PRTG: variants seen among roughly 807,000 people sequenced by gnomAD.
PRTG encodes immunoglobulin superfamily, DCC subclass, member 5.
PRTG carries 67 observed loss-of-function variants against 122.5 expected under a neutral mutation model. The observed-to-expected ratio is 0.55, with a 90% CI of 0.45 to 0.67. The LOEUF is 0.67. PRTG is among the 30% of genes least tolerant of loss of function. The pLI, the probability that PRTG is intolerant of heterozygous loss-of-function variation, is 0.00. For synonymous variants in PRTG, 554 were observed against 501.1 expected (o/e 1.11, Z -1.41); for missense variants, 1,435 against 1,415.4 (o/e 1.01, Z -0.22).
intron 2 of PRTG, among the ~76,000 whole-genome samples, chr15:55,719,452 G>T (rs1326233966): frequency 6.6e-6 from 1 of 152,164 alleles, no homozygotes; most frequent in Non-Finnish European, 1.5e-5. Context: ...AGAAAAGAAT[G>T]AATGTCTATT....
intron 15 of PRTG, among the ~76,000 whole-genome samples, chr15:55,635,693 A>G (rs1351649276): frequency 6.6e-6 from 1 of 152,218 alleles, no homozygotes; most frequent in Non-Finnish European, 1.5e-5. Context: ...GCAACGATCA[A>G]AACTCCAGGT....
rs576600225 is a variant in PRTG at position 55,652,708 on chromosome 15, G to A, written c.2042-11500C>T. On this transcript the variant is annotated intron_variant, in intron 11 of 19. Coordinates refer to ENST00000389286, the MANE Select transcript of PRTG (RefSeq NM_173814.6). The stretch of plus-strand genomic sequence containing the variant: ...GAAAGGGAGCCGAGTGAAACGCTAC[G>A]ATAAAATGCTATGTGTAAGCACAGT... Among the ~76,000 whole-genome samples the A allele has an allele frequency of 1.6e-3, 246 of 152,266 alleles. 2 individuals carry two copies. Among genetic ancestry groups the A allele is most frequent in the Non-Finnish European group, 2.4e-3 (164 of 68,010 alleles).
Position 55,742,899 on chromosome 15 carries a change from C to G in PRTG, c.33G>C (p.Leu11=). The G allele has an allele frequency of 5.9e-6, 9 of 1,530,258 alleles. No individual in the cohort carries two copies. The highest frequency in any genetic ancestry group is 7.9e-6 in the Non-Finnish European group (9 of 1,137,948). The allele number at this position is 1,530,258 out of a possible 1,614,324, so 94.8% of individuals were successfully genotyped here. MAPPLRPLAR[L]RPPGMLLRAL... is the part of the protein sequence containing the mutation. ...CGCGGAGCAGCATCCCCGGCGGTCG[C>G]AGCCGGGCGAGGGGTCGCAGAGGAG... Residue 11 remains leucine (L), a synonymous_variant, in exon 1 of 20, where the codon CTG becomes CTC. Transcript: ENST00000389286.
In PRTG at chr15:55,743,120, C is replaced by T; in HGVS notation, c.-189G>A. ...TGCTCGGACGGCCGCTCGCGAGAAG[C>T]AAGGGGCCTGAGAGTCCGGCTGGGG... On this transcript the variant is annotated 5_prime_UTR_variant, in exon 1 of 20. Transcript: ENST00000389286. 2 of 1,276,472 alleles carry T rather than the reference C, an allele frequency of 1.6e-6. No individual in the cohort carries two copies. Among genetic ancestry groups the T allele is most frequent in the Non-Finnish European group, 2.0e-6 (2 of 1,016,170 alleles). The allele number at this position is 1,276,472 out of a possible 1,614,324, so 79.1% of individuals were successfully genotyped here.
intron 16 of PRTG, among the ~76,000 whole-genome samples, chr15:55,628,310 G>A (rs779394519): frequency 2.0e-5 from 3 of 151,594 alleles, no homozygotes; most frequent in Non-Finnish European, 4.4e-5. Flanking sequence ...GAGAACACAT[G>A]GACAGCTGTG....
At chr15:55,688,536 G>C (rs193248192) in intron 2 of PRTG, among the ~76,000 whole-genome samples, 9 of 152,222 alleles carry the variant, frequency 5.9e-5, no homozygotes, top group Non-Finnish European at 1.2e-4. Flanking sequence ...TTCGCCTGGA[G>C]TTTATGAAAG....
chr15:55,682,647 G>A (rs919161371), intron 3 of PRTG, 150 bp from the exon 4 acceptor site: 5 of 284,392 alleles, frequency 1.8e-5, no homozygotes, highest in Non-Finnish European at 2.9e-5. Flanking sequence ...TCACTGGAAC[G>A]TCTGTCTCCA....
intron 2 of PRTG, among the ~76,000 whole-genome samples, chr15:55,727,782 C>T (rs959703653): frequency 5.3e-5 from 8 of 152,030 alleles, no homozygotes; most frequent in African/African-American, 1.9e-4. Flanking sequence ...GGCGACAGAG[C>T]GAGACTCCAA....
intron 2 of PRTG, among the ~76,000 whole-genome samples, chr15:55,721,443 C>T (rs776382824): frequency 2.6e-5 from 4 of 152,202 alleles, no homozygotes; most frequent in Non-Finnish European, 5.9e-5. Context: ...CTGTCTACAT[C>T]TCCAATTCCA....
intron 2 of PRTG, among the ~76,000 whole-genome samples, chr15:55,736,201 AAGTGAATAGGCACGCAGGT>A (rs2031406779): frequency 1.3e-5 from 2 of 150,050 alleles, no homozygotes; most frequent in African/African-American, 4.9e-5. Flanking sequence ...GCTTGACTTC[AAGTGAATAGGCACGCAGGT>A]AAGAGACTCA....
intron 2 of PRTG, among the ~76,000 whole-genome samples, chr15:55,727,293 G>T (rs2031069176): frequency 6.6e-6 from 1 of 151,140 alleles, no homozygotes; most frequent in Admixed American, 6.6e-5. Context: ...AAAGAGAGAT[G>T]ATATAAATAA....
At position 55,740,554 on chromosome 15, in the gene PRTG, A is replaced by G. The variant is rs2031576821; in HGVS notation, c.225T>C (p.Asn75=). 2 of 1,605,252 alleles carry G rather than the reference A, an allele frequency of 1.2e-6. No homozygotes were observed. The highest frequency in any genetic ancestry group is 1.7e-6 in the Non-Finnish European group (2 of 1,175,088). ...GTTTATTTTCAGACATTTTTGCTCC[A>G]TTTTTCAACCATGTGACCTTAATAG... ...EVPIKVTWLK[N]GAKMSENKRI... The change falls in exon 2 of 20, where the codon AAT becomes AAC. Residue 75 remains asparagine (N), a synonymous_variant. Coordinates refer to ENST00000389286, the MANE Select transcript of PRTG (RefSeq NM_173814.6).
intron 19 of PRTG, among the ~76,000 whole-genome samples, 184 bp downstream of exon 19, chr15:55,620,479 G>A (rs1284835677): frequency 6.6e-6 from 1 of 152,112 alleles, no homozygotes; most frequent in African/African-American, 2.4e-5. Flanking sequence ...CAGCTCTGAT[G>A]ACTATTCCAA....
intron 2 of PRTG, among the ~76,000 whole-genome samples, chr15:55,737,504 G>T (rs1426066971): frequency 1.3e-5 from 2 of 152,158 alleles, no homozygotes; most frequent in Admixed American, 6.5e-5. Flanking sequence ...TTAAGGAAAG[G>T]CCTGTTCACA....
At chr15:55,735,334 T>A (rs1355087684) in intron 2 of PRTG, among the ~76,000 whole-genome samples, 1 of 152,096 alleles carries the variant, frequency 6.6e-6, no homozygotes, top group Admixed American at 6.6e-5. Flanking sequence ...AAAAATCATC[T>A]CTCAAAACTG....
chr15:55,683,401 G>A (rs900420257), intron 3 of PRTG, among the ~76,000 whole-genome samples: 76 of 152,244 alleles, frequency 5.0e-4, no homozygotes, highest in Admixed American at 3.1e-3. Context: ...GGGTTGAGAA[G>A]TGGAAGGCAG....
In PRTG at chr15:55,675,511, T is replaced by C. The variant is rs1224742109; in HGVS notation, c.1546+8A>G. 1 of 1,590,832 alleles carries C rather than the reference T, an allele frequency of 6.3e-7. No homozygotes were observed. The highest frequency in any genetic ancestry group is 1.1e-5 in the South Asian group (1 of 87,832). Reference sequence around the variant, plus strand: ...ATACTGAAATGATCTAGAATCATGTTTTCTTACCATCCTCTAGAGTATTCT... The same window carrying C: ...ATACTGAAATGATCTAGAATCATGTCTTCTTACCATCCTCTAGAGTATTCT... On this transcript the variant is annotated splice_region_variant and intron_variant, in intron 9 of 19. Transcript: ENST00000389286.
At position 55,675,796 on chromosome 15, in the gene PRTG, T is replaced by C. The variant is rs1017051831; in HGVS notation, c.1382-113A>G. Reference sequence around the variant, plus strand: ...TTGGGTCTAATCTCAATCTCTTATCTTCTGTGCCCCTTTACAAAATGTGAA... The same window carrying C: ...TTGGGTCTAATCTCAATCTCTTATCCTCTGTGCCCCTTTACAAAATGTGAA... On this transcript the variant is annotated intron_variant, in intron 8 of 19. Transcript: ENST00000389286. The C allele has an allele frequency of 9.4e-6, 5 of 532,414 alleles. No homozygotes were observed. In the African/African-American group the frequency reaches 9.4e-5, roughly 10 times the overall value. The allele number at this position is 532,414 out of a possible 1,614,324, so 33.0% of individuals were successfully genotyped here. A position where few individuals can be genotyped will look rare whatever the true frequency, so the allele number is the denominator to read the frequency against.
chr15:55,620,026 G>A lies in PRTG; in HGVS notation c.3439C>T (p.Pro1147Ser), dbSNP rs771475883. Residue 1147 changes from proline to serine, a missense_variant, in exon 20 of 20, where the codon CCC becomes TCC. Coordinates refer to ENST00000389286, the MANE Select transcript of PRTG (RefSeq NM_173814.6). ...IHLSSVISTT[P>S]PNL ...CAGTGAAAGAATCAGAGGTTGGGGG[G>A]TGTGGTACTTATAACTGAGGACAGA... is the stretch of plus-strand genomic sequence containing the variant. The A allele has an allele frequency of 1.1e-5, 17 of 1,614,158 alleles. No individual in the cohort carries two copies. The South Asian group carries it at 1.4e-4, about 14-fold the overall frequency.
Sources: allele counts gnomAD v4.1 joint callset (sites outside exome capture counted in the v4.1 genomes callset), GRCh38; gene constraint gnomAD v4.1.1; transcripts MANE v1.5; gene names NCBI Gene and HGNC (gene_info 2026-07-23, HGNC 2026-07-21).